Variants in NLGN4X observed in about 807,000 individuals in gnomAD.
NLGN4X encodes the protein neuroligin 4 X-linked.
Under a neutral mutation model 40.3 loss-of-function variants are expected in NLGN4X, and 3 were observed. The observed-to-expected ratio is 0.07, with a 90% CI of 0.03 to 0.19. The LOEUF (loss-of-function observed/expected upper bound fraction) is 0.19, where lower values mean the gene tolerates loss of function less well. Ranked by LOEUF, NLGN4X falls within the 10% of genes least tolerant of loss-of-function variation. The pLI, the probability that NLGN4X is intolerant of heterozygous loss-of-function variation, is 1.00. For synonymous variants in NLGN4X, 270 were observed against 306.8 expected (o/e 0.88, Z 1.25); for missense variants, 382 against 708.3 (o/e 0.54, Z 5.23).
At chrX:6,086,130 T>G (rs1384463061) in intron 2 of NLGN4X, among the ~76,000 whole-genome samples, 3 of 112,100 alleles carry the variant, frequency 2.7e-5, no homozygotes, top group Admixed American at 1.9e-4. Context: ...TTAAACTTAC[T>G]GGATACCAAA....
intron 3 of NLGN4X, among the ~76,000 whole-genome samples, chrX:5,925,799 TAC>T (rs1333783492): frequency 3.2e-5 from 3 of 92,325 alleles, no homozygotes; most frequent in Non-Finnish European, 6.4e-5. Context: ...GGTTGATAAT[TAC>T]ATTCAGTTGG....
chrX:5,935,614 A>AT (rs1220347853), intron 3 of NLGN4X, among the ~76,000 whole-genome samples: 5 of 111,496 alleles, frequency 4.5e-5, no homozygotes, highest in East Asian at 2.8e-4. Flanking sequence ...AAACTTCTGC[A>AT]TTTTTTTTCA....
intron 3 of NLGN4X, among the ~76,000 whole-genome samples, chrX:5,994,355 C>T (rs1280721599): frequency 9.0e-6 from 1 of 111,685 alleles, no homozygotes; most frequent in East Asian, 2.8e-4. Flanking sequence ...AGTGGGTAGA[C>T]AGGAGATGGG....
At chrX:6,020,504 T>A (rs1353336790) in intron 3 of NLGN4X, among the ~76,000 whole-genome samples, 1 of 112,068 alleles carries the variant, frequency 8.9e-6, no homozygotes, top group Admixed American at 9.5e-5. Context: ...AAGTTTCAGT[T>A]GGCAGGAAAA....
intron 3 of NLGN4X, among the ~76,000 whole-genome samples, chrX:5,970,495 T>C (rs1294534688): frequency 8.9e-6 from 1 of 112,116 alleles, no homozygotes; most frequent in Non-Finnish European, 1.9e-5. Context: ...CAATCTGAAT[T>C]TTTCCTCTGA....
chrX:5,913,455 G>T (rs188543358), intron 3 of NLGN4X, among the ~76,000 whole-genome samples: 1 of 111,671 alleles, frequency 9.0e-6, no homozygotes, highest in East Asian at 2.8e-4. Flanking sequence ...TAAAACCAGA[G>T]ATTTACAACA....
rs1339754394 is a variant in NLGN4X, at chrX:6,064,035, C to T, written c.473-34603G>A. On this transcript the variant is annotated intron_variant, in intron 2 of 5. Coordinates refer to ENST00000381095, the MANE Select transcript of NLGN4X (RefSeq NM_181332.3). ...CTTATTTCTGTCCTATTTTTAGATACCATAATTGAATCAACATTCCTGGTG... is the reference window on the plus strand; with the variant it reads ...CTTATTTCTGTCCTATTTTTAGATATCATAATTGAATCAACATTCCTGGTG... 2.8e-4 allele frequency among the ~76,000 whole-genome samples: 31 copies of T among 111,199 alleles called. 1 individual carries two copies. Among genetic ancestry groups the T allele is most frequent in the Non-Finnish European group, 7.5e-5 (4 of 53,029 alleles).
Position 5,942,497 on chromosome X carries a change from C to T in NLGN4X, c.626-33258G>A, listed in dbSNP as rs1485460797. Among the ~76,000 whole-genome samples, 7 of 110,579 alleles carry T rather than the reference C, an allele frequency of 6.3e-5. No individual in the cohort carries two copies. The East Asian group carries it at 2.0e-3, about 32-fold the overall frequency. ...CCTGAGGTTAGACCAGCCTGGCCAA[C>T]ATGGCGAAACCTCGTCTCTACTAAA... is the stretch of plus-strand genomic sequence containing the variant. On this transcript the variant is annotated intron_variant, in intron 3 of 5. Coordinates refer to ENST00000381095, the MANE Select transcript of NLGN4X (RefSeq NM_181332.3).
intron 1 of NLGN4X, among the ~76,000 whole-genome samples, chrX:6,179,128 A>AAGGAAGGAAGGAAGGAAGGAAGGAAGG (rs1274549783): frequency 9.1e-6 from 1 of 109,420 alleles, no homozygotes; most frequent in African/African-American, 3.4e-5. Flanking sequence ...GGAAGGAAGG[A>AAGGAAGGAAGGAAGGAAGGAAGGAAGG]ATTCTAAGCA....
chrX:6,069,296 A>C (rs2038001011), intron 2 of NLGN4X, among the ~76,000 whole-genome samples: 1 of 111,154 alleles, frequency 9.0e-6, no homozygotes, highest in African/African-American at 3.3e-5. Context: ...TCAAAAAAAA[A>C]AAAAAATTAA....
intron 1 of NLGN4X, among the ~76,000 whole-genome samples, chrX:6,180,179 C>T (rs1233562336): frequency 2.7e-5 from 3 of 111,857 alleles, no homozygotes; most frequent in African/African-American, 6.5e-5. Context: ...CTAAATCTTT[C>T]CTATGAAACT....
At chrX:5,981,489 A>C (rs2035387419) in intron 3 of NLGN4X, among the ~76,000 whole-genome samples, 1 of 107,811 alleles carries the variant, frequency 9.3e-6, no homozygotes, top group South Asian at 4.2e-4. Flanking sequence ...ATTACTAGTA[A>C]AGCCTACTAG....
chrX:6,079,676 C>G (rs188171171), intron 2 of NLGN4X, among the ~76,000 whole-genome samples: 1 of 112,214 alleles, frequency 8.9e-6, no homozygotes, highest in Non-Finnish European at 1.9e-5. Flanking sequence ...GAACCCATAT[C>G]CCAAAGCACA....
chrX:5,912,967 G>A, intron 3 of NLGN4X, among the ~76,000 whole-genome samples: 1 of 62,494 alleles, frequency 1.6e-5, no homozygotes, highest in South Asian at 1.3e-3. Flanking sequence ...AGGGAAGGAG[G>A]GAGGGAGGGA....
At chrX:6,034,081 A>G (rs1166207341) in intron 2 of NLGN4X, among the ~76,000 whole-genome samples, 2 of 112,502 alleles carry the variant, frequency 1.8e-5, no homozygotes, top group African/African-American at 6.5e-5. Flanking sequence ...CTGTTTCCAT[A>G]TATCAAACAA....
intron 2 of NLGN4X, among the ~76,000 whole-genome samples, chrX:6,059,054 T>C (rs1030504951): frequency 1.8e-5 from 2 of 110,021 alleles, no homozygotes; most frequent in African/African-American, 6.6e-5. Flanking sequence ...TGGAATTAGC[T>C]AAAAAAAAAT....
At chrX:5,947,298 C>A (rs887521295) in intron 3 of NLGN4X, among the ~76,000 whole-genome samples, 5 of 111,862 alleles carry the variant, frequency 4.5e-5, no homozygotes, top group African/African-American at 1.6e-4. Context: ...TACACTTCCA[C>A]CAATAGTGTA....
chrX:6,178,221 C>T lies in NLGN4X; in HGVS notation c.-305-26450G>A, dbSNP rs748649889. On this transcript the variant is annotated intron_variant, in intron 1 of 5. Coordinates refer to ENST00000381095, the MANE Select transcript of NLGN4X (RefSeq NM_181332.3). ...CTTTTAGTTAGACAAAGGTTGAAAGCTTGTGACTCCAAAAATGATGGGTAG... is the reference window on the plus strand; with the variant it reads ...CTTTTAGTTAGACAAAGGTTGAAAGTTTGTGACTCCAAAAATGATGGGTAG... 6.3e-5 allele frequency among the ~76,000 whole-genome samples: 7 copies of T among 111,732 alleles called. No individual in the cohort carries two copies. The East Asian group carries it at 1.7e-3, about 27-fold the overall frequency.
At chrX:5,925,890 ATATATATATATAT>A (rs1263857422) in intron 3 of NLGN4X, among the ~76,000 whole-genome samples, 192 of 9,390 alleles carry the variant, frequency 0.02, 13 homozygotes, top group East Asian at 0.2. Context: ...ACATATATAT[ATATATATATATAT>A]ATATATATAT....
Sources: allele counts gnomAD v4.1 joint callset (sites outside exome capture counted in the v4.1 genomes callset), GRCh38; gene constraint gnomAD v4.1.1; transcripts MANE v1.5; gene names NCBI Gene and HGNC (gene_info 2026-07-23, HGNC 2026-07-21).